Variants in CEP126 observed in about 807,000 individuals in gnomAD.
CEP126 encodes the protein centrosomal protein of 126 kDa.
CEP126 carries 74 observed loss-of-function variants against 107.8 expected under a neutral mutation model. That is an observed-to-expected ratio of 0.69 (90% CI 0.57 to 0.83). CEP126 has a LOEUF of 0.83. Ranked by LOEUF, CEP126 falls within the 40% of genes least tolerant of loss-of-function variation. The probability of loss-of-function intolerance (pLI) is 0.00; values close to 1 mark genes in which losing one functional copy is unlikely to be tolerated. For missense variants in CEP126, 1,237 were observed against 1,281.9 expected (o/e 0.96, Z 0.53); for synonymous variants, 449 against 446.0 (o/e 1.01, Z -0.08).
intron 7 of CEP126, 104 bp from the exon 8 acceptor site, chr11:101,981,785 A>T: frequency 1.6e-6 from 1 of 620,024 alleles, no homozygotes; most frequent in Non-Finnish European, 2.8e-6. Flanking sequence ...GAACAATTGT[A>T]GCTAAAAATA....
At chr11:101,978,647 T>C (rs1941220642) in intron 7 of CEP126, among the ~76,000 whole-genome samples, 188 bp downstream of exon 7, 1 of 152,248 alleles carries the variant, frequency 6.6e-6, no homozygotes, top group Non-Finnish European at 1.5e-5. Flanking sequence ...ACCTACTTGC[T>C]ATGTTCTGTA....
At chr11:101,963,919 C>A in intron 6 of CEP126, 39 bp downstream of exon 6, 3 of 1,341,590 alleles carry the variant, frequency 2.2e-6, no homozygotes, top group Non-Finnish European at 3.1e-6. Context: ...ATAAAATGTA[C>A]ACCTTTGTTA....
chr11:101,917,081 T>C (rs558143244), intron 1 of CEP126, among the ~76,000 whole-genome samples: 33 of 150,876 alleles, frequency 2.2e-4, no homozygotes, highest in African/African-American at 8.0e-4. Flanking sequence ...TGTGTGCTGG[T>C]TTATATATAT....
chr11:101,941,467 C>G (rs1412252695), intron 2 of CEP126, among the ~76,000 whole-genome samples: 1 of 152,052 alleles, frequency 6.6e-6, no homozygotes, highest in East Asian at 1.9e-4. Flanking sequence ...TAGCACATGC[C>G]AGAATTTTCT....
intron 9 of CEP126, among the ~76,000 whole-genome samples, chr11:101,988,234 A>G (rs964181865): frequency 6.6e-6 from 1 of 152,210 alleles, no homozygotes; most frequent in Admixed American, 6.5e-5. Flanking sequence ...TGGCCCAAAT[A>G]GAATGCCTGG....
In CEP126 at chr11:101,962,524, T is replaced by C. The variant is rs748219010; in HGVS notation, c.1489T>C (p.Leu497=). 5.0e-6 allele frequency: 8 copies of C among 1,613,088 alleles called. No individual in the cohort carries two copies. The highest frequency in any genetic ancestry group is 5.1e-6 in the Non-Finnish European group (6 of 1,179,628). The change falls in exon 6 of 11, where the codon TTG becomes CTG. Residue 497 remains leucine (L), a synonymous_variant. Coordinates refer to ENST00000263468, the MANE Select transcript of CEP126 (RefSeq NM_020802.4). ...GCAGTGTTCTGATAAGTTAGATGAA[T>C]TGAAAGATGGTAAAGAAGAAGAGAT... ...AVQCSDKLDE[L]KDGKEEEIKY... is the part of the protein sequence containing the mutation.
At chr11:101,994,626 A>T in intron 10 of CEP126, among the ~76,000 whole-genome samples, 1 of 152,168 alleles carries the variant, frequency 6.6e-6, no homozygotes, top group East Asian at 1.9e-4. Context: ...TGAATGGGGA[A>T]TCCGTTCCCC....
In CEP126 at chr11:101,962,222, A is replaced by T; in HGVS notation, c.1187A>T (p.Asp396Val). 6.2e-7 allele frequency: 1 copy of T among 1,613,856 alleles called. No homozygotes were observed. The highest frequency in any genetic ancestry group is 8.5e-7 in the Non-Finnish European group (1 of 1,179,832). The stretch of plus-strand genomic sequence containing the variant: ...GAAACTAGCACTATGAGGACAACTG[A>T]CTCCACTTCTGGAGCATTCAAAAGA... Reference protein sequence around the residue: ...TSETSTMRTTDSTSGAFKRER... With the variant: ...TSETSTMRTTVSTSGAFKRER... Residue 396 changes from aspartate to valine, a missense_variant, in exon 6 of 11, where the codon GAC (aspartate) becomes GTC (valine). By Grantham distance (152) the Asp-to-Val change is radical. This residue lies in a region of CEP126 where 1,134 missense variants were observed against 1,150.5 expected (regional missense o/e 0.99). Coordinates refer to ENST00000263468, the MANE Select transcript of CEP126 (RefSeq NM_020802.4).
chr11:101,956,409 A>C (rs1191818625), intron 4 of CEP126: 2 of 456,166 alleles, frequency 4.4e-6, no homozygotes, highest in Admixed American at 2.4e-5. Flanking sequence ...GATCCTTTTC[A>C]GTCAGTCCAG....
chr11:101,923,060 CATTTCATG>C (rs1358308491), intron 2 of CEP126, among the ~76,000 whole-genome samples: 1 of 151,972 alleles, frequency 6.6e-6, no homozygotes, highest in Non-Finnish European at 1.5e-5. Flanking sequence ...TTTTTTGTAT[CATTTCATG>C]ATTTCATGAT....
chr11:101,976,325 G>C (rs1041717460), intron 6 of CEP126, among the ~76,000 whole-genome samples: 2 of 152,168 alleles, frequency 1.3e-5, no homozygotes, highest in Admixed American at 6.5e-5. Flanking sequence ...CTTGTCTAAT[G>C]ATTAGTGATG....
chr11:101,987,370 A>G (rs559507144), intron 9 of CEP126, among the ~76,000 whole-genome samples: 147 of 152,332 alleles, frequency 9.6e-4, no homozygotes, highest in African/African-American at 3.2e-3. Context: ...TAAACCTGCA[A>G]TATAGTGATG....
chr11:101,974,750 A>G (rs911662278), intron 6 of CEP126, among the ~76,000 whole-genome samples: 2 of 152,198 alleles, frequency 1.3e-5, no homozygotes, highest in African/African-American at 4.8e-5. Context: ...TTTTTGCAAA[A>G]ATAGCAAGGT....
intron 2 of CEP126, among the ~76,000 whole-genome samples, chr11:101,933,443 T>C (rs554104953): frequency 9.2e-5 from 14 of 152,302 alleles, no homozygotes; most frequent in African/African-American, 3.4e-4. Flanking sequence ...CTCCCAGTTC[T>C]TCCACTTAAT....
rs1210296596 is a variant in CEP126, at chr11:101,935,215, G to GAT, written c.249-9040_249-9039dup. Among the ~76,000 whole-genome samples the GAT allele has an allele frequency of 4.0e-5, 6 of 151,610 alleles. No homozygotes were observed. The East Asian group carries it at 9.6e-4, about 24-fold the overall frequency. ...TTGTCGTCTTCTTGTTGAATTGTAA[G>GAT]ATATATATATAGATATCTATATATA... On this transcript the variant is annotated intron_variant, in intron 2 of 10. Coordinates refer to ENST00000263468, the MANE Select transcript of CEP126 (RefSeq NM_020802.4).
At chr11:101,994,247 T>G (rs1018028485) in intron 10 of CEP126, among the ~76,000 whole-genome samples, 7 of 152,188 alleles carry the variant, frequency 4.6e-5, no homozygotes, top group African/African-American at 1.7e-4. Flanking sequence ...AAAAGATTTT[T>G]TAAAAAGATT....
chr11:101,924,415 T>C (rs1177136338), intron 2 of CEP126, among the ~76,000 whole-genome samples: 1 of 151,650 alleles, frequency 6.6e-6, no homozygotes, highest in Non-Finnish European at 1.5e-5. Flanking sequence ...AGAGGATTTT[T>C]TTGTTTTGTT....
intron 6 of CEP126, among the ~76,000 whole-genome samples, chr11:101,975,693 A>G (rs570376045): frequency 4.6e-5 from 7 of 152,306 alleles, no homozygotes; most frequent in African/African-American, 1.7e-4. Context: ...CCAGGAAGTA[A>G]GCATAGTACC....
intron 1 of CEP126, among the ~76,000 whole-genome samples, chr11:101,919,111 G>C (rs945827665): frequency 2.0e-5 from 3 of 152,168 alleles, no homozygotes; most frequent in Non-Finnish European, 4.4e-5. Flanking sequence ...AACACAATCA[G>C]ATTTGCATTT....
Sources: allele counts gnomAD v4.1 joint callset (sites outside exome capture counted in the v4.1 genomes callset), GRCh38; gene constraint gnomAD v4.1.1; regional missense constraint gnomAD v4.1.1; transcripts MANE v1.5; gene names NCBI Gene and HGNC (gene_info 2026-07-23, HGNC 2026-07-21).